Variants in ANGPT1 observed in about 807,000 individuals in gnomAD.
ANGPT1 encodes angiopoietin 1, also known as angiopoietin-1.
Under a neutral mutation model 62.2 loss-of-function variants are expected in ANGPT1, and 17 were observed. The observed-to-expected ratio is 0.27, with a 90% CI of 0.19 to 0.41. ANGPT1 has a LOEUF of 0.41. ANGPT1 is among the 10% of genes least tolerant of loss of function. ANGPT1 has a pLI of 1.00. For missense variants in ANGPT1, 478 were observed against 594.9 expected, an observed-to-expected ratio of 0.80 and a Z score of 2.04; for synonymous variants, 199 against 198.9, an observed-to-expected ratio of 1.00 and a Z score of 0.00.
chr8:107,274,776 T>A (rs1260219610), intron 7 of ANGPT1, among the ~76,000 whole-genome samples: 3 of 152,162 alleles, frequency 2.0e-5, no homozygotes, highest in African/African-American at 7.2e-5. Context: ...AAAAATCACC[T>A]GTGTTGAATG....
chr8:107,376,267 G>A (rs916308161), intron 1 of ANGPT1, among the ~76,000 whole-genome samples: 5 of 152,166 alleles, frequency 3.3e-5, no homozygotes, highest in Admixed American at 1.3e-4. Context: ...CAAGTTGCTC[G>A]CCATGTGGTT....
intron 4 of ANGPT1, among the ~76,000 whole-genome samples, chr8:107,306,459 G>A (rs1211397668): frequency 2.0e-5 from 3 of 151,968 alleles, no homozygotes; most frequent in Admixed American, 6.6e-5. Flanking sequence ...AATTATAAAC[G>A]ATTTATATGT....
At chr8:107,364,393 G>A (rs1432972631) in intron 1 of ANGPT1, among the ~76,000 whole-genome samples, 2 of 152,076 alleles carry the variant, frequency 1.3e-5, no homozygotes, top group Non-Finnish European at 2.9e-5. Context: ...CAAGTCTCCT[G>A]CCTCAGCCTC....
chr8:107,357,855 T>C (rs1329589506), intron 1 of ANGPT1, among the ~76,000 whole-genome samples: 1 of 152,266 alleles, frequency 6.6e-6, no homozygotes, highest in Non-Finnish European at 1.5e-5. Context: ...TTGTATGAAA[T>C]TGGAAGGTAT....
chr8:107,280,189 ACTTT>A (rs936277985), intron 7 of ANGPT1, among the ~76,000 whole-genome samples: 3 of 151,674 alleles, frequency 2.0e-5, no homozygotes, highest in African/African-American at 4.8e-5. Context: ...GGGTGATGTT[ACTTT>A]CTTTCTTTTT....
chr8:107,390,414 A>G (rs1025250941), intron 1 of ANGPT1, among the ~76,000 whole-genome samples: 25 of 152,164 alleles, frequency 1.6e-4, no homozygotes, highest in Non-Finnish European at 3.2e-4. Context: ...TATTGAGCTG[A>G]ATACTCTGAA....
intron 1 of ANGPT1, among the ~76,000 whole-genome samples, chr8:107,418,359 A>T (rs545500383): frequency 9.1e-4 from 138 of 152,238 alleles, no homozygotes; most frequent in Admixed American, 2.6e-3. Context: ...CCATCAACAA[A>T]ATCTGTTGAA....
rs1390665927 is a variant in ANGPT1, at chr8:107,250,370, G to A, written c.*1485C>T. ...TATCCCATAGGAATATTTCCATTGA[G>A]TTATTTATGGCAACTAGCAGTCAGA... On this transcript the variant is annotated 3_prime_UTR_variant, in exon 9 of 9. Transcript: ENST00000517746. 3 of 152,028 alleles carry A rather than the reference G, an allele frequency of 2.0e-5. No homozygotes were observed. The highest frequency in any genetic ancestry group is 4.4e-5 in the Non-Finnish European group (3 of 67,970). 9.4% of individuals were successfully genotyped at this position (152,028 alleles called of 1,614,324 possible).
At chr8:107,427,838 T>C (rs533399107) in intron 1 of ANGPT1, among the ~76,000 whole-genome samples, 85 of 152,218 alleles carry the variant, frequency 5.6e-4, no homozygotes, top group Non-Finnish European at 1.0e-3. Context: ...CGGGAGTTAT[T>C]ATTTCTAGTG....
At chr8:107,458,152 G>A in intron 1 of ANGPT1, among the ~76,000 whole-genome samples, 1 of 152,094 alleles carries the variant, frequency 6.6e-6, no homozygotes, top group East Asian at 1.9e-4. Context: ...GACTGATGTT[G>A]CAGACATTAA....
At chr8:107,365,288 A>G (rs1404246370) in intron 1 of ANGPT1, among the ~76,000 whole-genome samples, 1 of 152,208 alleles carries the variant, frequency 6.6e-6, no homozygotes, top group Non-Finnish European at 1.5e-5. Context: ...GAAACTCAGC[A>G]TACTTGACAA....
At chr8:107,421,129 G>A in intron 1 of ANGPT1, among the ~76,000 whole-genome samples, 1 of 151,926 alleles carries the variant, frequency 6.6e-6, no homozygotes, top group Non-Finnish European at 1.5e-5. Context: ...TTTTATATTG[G>A]TAGAGTGAAA....
At chr8:107,387,013 A>G (rs182310554) in intron 1 of ANGPT1, among the ~76,000 whole-genome samples, 26 of 152,286 alleles carry the variant, frequency 1.7e-4, no homozygotes, top group African/African-American at 5.8e-4. Flanking sequence ...TTACAAAAAT[A>G]AATGATATTC....
intron 1 of ANGPT1, among the ~76,000 whole-genome samples, chr8:107,460,728 G>A (rs1563632889): frequency 1.3e-5 from 2 of 152,072 alleles, no homozygotes; most frequent in Admixed American, 6.6e-5. Flanking sequence ...TTCAATTACA[G>A]GCAATTTTTA....
At chr8:107,296,281 T>A (rs764613826) in intron 5 of ANGPT1, among the ~76,000 whole-genome samples, 3 of 152,028 alleles carry the variant, frequency 2.0e-5, no homozygotes, top group Non-Finnish European at 4.4e-5. Context: ...TTTCTTTCAA[T>A]TGACTGCTGT....
At chr8:107,336,083 T>G in intron 3 of ANGPT1, 67 bp downstream of exon 3, 23 of 1,436,152 alleles carry the variant, frequency 1.6e-5, no homozygotes, top group Non-Finnish European at 2.0e-5. Context: ...TGTTTAAGAG[T>G]TGGCAGAGAG....
At chr8:107,360,897 A>G (rs1012098595) in intron 1 of ANGPT1, among the ~76,000 whole-genome samples, 1 of 152,252 alleles carries the variant, frequency 6.6e-6, no homozygotes, top group Non-Finnish European at 1.5e-5. Flanking sequence ...TAAGCCCAGC[A>G]TAAATAAGAA....
intron 3 of ANGPT1, among the ~76,000 whole-genome samples, chr8:107,331,764 T>C (rs1364461574): frequency 6.6e-6 from 1 of 152,180 alleles, no homozygotes; most frequent in Non-Finnish European, 1.5e-5. Context: ...GCTCAAACTA[T>C]GTAGGAATGG....
At chr8:107,333,956 G>A (rs866239617) in intron 3 of ANGPT1, among the ~76,000 whole-genome samples, 4 of 106,210 alleles carry the variant, frequency 3.8e-5, no homozygotes, top group East Asian at 7.7e-4. Context: ...AAGAAAGAAA[G>A]AAAAGAAAGA....
Sources: gnomAD v4.1 joint callset for allele counts (sites outside exome capture counted in the v4.1 genomes callset) on GRCh38, gnomAD v4.1.1 for gene constraint, MANE v1.5 for transcripts, NCBI Gene and HGNC (gene_info 2026-07-23, HGNC 2026-07-21) for gene names.